RNF157: variants seen among roughly 807,000 people sequenced by gnomAD.
The protein encoded by RNF157 is ring finger protein 157, also known as E3 ubiquitin ligase RNF157.
A neutral mutation model predicts 88.3 loss-of-function variants in RNF157; 55 were observed. The ratio of observed to expected loss-of-function variants is 0.62; its 90% CI spans 0.50 to 0.78. The LOEUF (loss-of-function observed/expected upper bound fraction) is 0.78. Ranked by LOEUF, RNF157 falls within the 30% of genes least tolerant of loss-of-function variation. The probability of loss-of-function intolerance (pLI) is 0.00; values close to 1 mark genes in which losing one functional copy is unlikely to be tolerated. For synonymous variants in RNF157, 334 were observed against 341.2 expected (o/e 0.98, Z 0.23); for missense variants, 788 against 860.8 (o/e 0.92, Z 1.06).
rs138774231 is a variant in RNF157, at chr17:76,229,998, T to C, written c.88+10155A>G. On this transcript the variant is annotated intron_variant, in intron 1 of 18. Transcript: ENST00000269391. ...TGGAGTTGTGTGCATTTCTATAAGG[T>C]ACACCCCAACTCATCATTCCCCACA... 3.4e-3 allele frequency among the ~76,000 whole-genome samples: 516 copies of C among 152,280 alleles called. 5 individuals carry two copies. The highest frequency in any genetic ancestry group is 0.012 in the African/African-American group (493 of 41,536).
chr17:76,146,941 T>A lies in RNF157; in HGVS notation c.1922-1588A>T. On this transcript the variant is annotated intron_variant, in intron 18 of 18. Coordinates refer to ENST00000269391, the MANE Select transcript of RNF157 (RefSeq NM_052916.3). This position sits in a 1 kb window ranked among gnomAD's most constrained non-coding sequence, Gnocchi z 4.2. ...GGCATGTAGAGTCAACAGGTATAAATGGCTTATTTCCATCAATGCCTTGGT... is the reference window on the plus strand; with the variant it reads ...GGCATGTAGAGTCAACAGGTATAAAAGGCTTATTTCCATCAATGCCTTGGT... 1 of 985,402 alleles carries A rather than the reference T, an allele frequency of 1.0e-6. No individual in the cohort carries two copies. Among genetic ancestry groups the A allele is most frequent in the Non-Finnish European group, 1.2e-6 (1 of 829,926 alleles). 61.0% of individuals were successfully genotyped at this position (985,402 alleles called of 1,614,324 possible).
rs2068763099 is a variant in RNF157, at chr17:76,156,312, C to T, written c.1423G>A (p.Val475Met). 3.1e-6 allele frequency: 5 copies of T among 1,614,080 alleles called. No individual in the cohort carries two copies. The highest frequency in any genetic ancestry group is 4.2e-6 in the Non-Finnish European group (5 of 1,179,990). ...GTGAGATTCTCACTTTCTGGAGTCA[C>T]ACCACATTCCTGGGGGTTGTGGGGG... ...SVQHLGEECG[V>M]TPESENLTLS... Residue 475 changes from valine to methionine, a missense_variant, in exon 14 of 19, where the codon GTG becomes ATG. Transcript: ENST00000269391.
rs116745555 is a variant in RNF157 at position 76,188,026 on chromosome 17, T to C, written c.208-14236A>G. On this transcript the variant is annotated intron_variant, in intron 2 of 18. Transcript: ENST00000269391. ...TGCATTGCTAAGCTTCTAAGAGTCT[T>C]GAGAGCTCTGATTATTCTTCAGTCA... Among the ~76,000 whole-genome samples the C allele has an allele frequency of 5.9e-3, 899 of 152,344 alleles. 6 individuals are homozygous for C. Among genetic ancestry groups the C allele is most frequent in the African/African-American group, 0.02 (841 of 41,586 alleles).
At chr17:76,226,486 G>A in intron 1 of RNF157, 2 of 1,611,048 alleles carry the variant, frequency 1.2e-6, no homozygotes, top group Admixed American at 1.7e-5. Flanking sequence ...CATCTGGCAT[G>A]GTTTCCAGGT....
intron 8 of RNF157, 36 bp downstream of exon 8, chr17:76,164,712 C>A: frequency 7.3e-7 from 1 of 1,367,134 alleles, no homozygotes; most frequent in Non-Finnish European, 1.0e-6. Context: ...AAGGAAGGAC[C>A]CTAATACTAA....
chr17:76,227,333 C>G (rs562783779), intron 1 of RNF157, among the ~76,000 whole-genome samples: 1 of 151,364 alleles, frequency 6.6e-6, no homozygotes, highest in South Asian at 2.1e-4. Context: ...GTTGGCCAGG[C>G]TGGTCTTGAA....
Position 76,193,826 on chromosome 17 carries a change from C to T in RNF157, c.207+18538G>A, listed in dbSNP as rs2069427026. Among the ~76,000 whole-genome samples, 4 of 152,288 alleles carry T rather than the reference C, an allele frequency of 2.6e-5. No individual in the cohort carries two copies. The South Asian group carries it at 8.3e-4, about 32-fold the overall frequency. On this transcript the variant is annotated intron_variant, in intron 2 of 18. Transcript: ENST00000269391. ...GCATCCTGCAGTGAGGCTGCCGCACCCATAGTTTCAGATCTGAGATTAGCG... is the reference window on the plus strand; with the variant it reads ...GCATCCTGCAGTGAGGCTGCCGCACTCATAGTTTCAGATCTGAGATTAGCG...
intron 1 of RNF157, among the ~76,000 whole-genome samples, chr17:76,216,432 T>C (rs539313722): frequency 1.3e-5 from 2 of 151,708 alleles, no homozygotes; most frequent in South Asian, 2.1e-4. Context: ...GTAGAGCTAA[T>C]TGTAGTTTTG....
chr17:76,228,953 A>G (rs1251412257), intron 1 of RNF157, among the ~76,000 whole-genome samples: 1 of 151,704 alleles, frequency 6.6e-6, no homozygotes, highest in African/African-American at 2.4e-5. Flanking sequence ...AAAAAAAAAA[A>G]TTCACTCACC....
chr17:76,159,364 C>G lies in RNF157; in HGVS notation c.1275G>C (p.Gln425His). 1.2e-6 allele frequency: 2 copies of G among 1,613,432 alleles called. No individual in the cohort carries two copies. The highest frequency in any genetic ancestry group is 1.7e-6 in the Non-Finnish European group (2 of 1,179,790). The change falls in exon 12 of 19, where the codon CAG becomes CAC. Residue 425 changes from glutamine (Q) to histidine (H), a missense_variant. By Grantham distance (24) the Gln-to-His change is conservative. Coordinates refer to ENST00000269391, the MANE Select transcript of RNF157 (RefSeq NM_052916.3). Reference sequence around the variant, plus strand: ...AGAGACTCTTTTTGAGTTTGAGTCCCTGACTGCTGCTGTCAGACAGGCGGT... The same window carrying G: ...AGAGACTCTTTTTGAGTTTGAGTCCGTGACTGCTGCTGTCAGACAGGCGGT... Reference protein sequence around the residue: ...PLDRLSDSSSQGLKLKKSLSK... With the variant: ...PLDRLSDSSSHGLKLKKSLSK...
chr17:76,228,846 C>T (rs1271430782), intron 1 of RNF157, among the ~76,000 whole-genome samples: 7 of 151,988 alleles, frequency 4.6e-5, no homozygotes, highest in Non-Finnish European at 8.8e-5. Context: ...ATCACCTGAA[C>T]CTGGGAGGCA....
chr17:76,212,221 G>T, intron 2 of RNF157, 143 bp downstream of exon 2: 1 of 636,170 alleles, frequency 1.6e-6, no homozygotes, highest in East Asian at 2.7e-5. Context: ...AACCAAGGAG[G>T]CTGCAGTTTG....
intron 2 of RNF157, among the ~76,000 whole-genome samples, chr17:76,193,636 A>G (rs9914821): frequency 0.19 from 29,539 of 151,936 alleles, 2,928 homozygotes; most frequent in South Asian, 0.27. Flanking sequence ...AATGGAAGAC[A>G]CTGTCTAAGG....
chr17:76,220,249 C>T (rs1221630422), intron 1 of RNF157, among the ~76,000 whole-genome samples: 1 of 151,924 alleles, frequency 6.6e-6, no homozygotes, highest in Non-Finnish European at 1.5e-5. Context: ...GCTCTCTAAA[C>T]CTACTAGGGT....
At position 76,164,815 on chromosome 17, in the gene RNF157, G is replaced by T; in HGVS notation, c.673-20C>A. On this transcript the variant is annotated intron_variant, in intron 7 of 18. Transcript: ENST00000269391. The stretch of plus-strand genomic sequence containing the variant: ...TGTGTGCTGGAATGAAAATATGAAA[G>T]TTATGACAAGGAAGGGAGGGTAATA... 6.3e-7 allele frequency: 1 copy of T among 1,598,558 alleles called. No individual in the cohort carries two copies. Among genetic ancestry groups the T allele is most frequent in the East Asian group, 2.2e-5 (1 of 44,778 alleles).
intron 2 of RNF157, among the ~76,000 whole-genome samples, chr17:76,199,190 C>T (rs994560262): frequency 6.6e-6 from 1 of 152,230 alleles, no homozygotes; most frequent in African/African-American, 2.4e-5. Context: ...AGAAAACTAT[C>T]TTCTCAACTA....
At chr17:76,149,837 C>T (rs930846358) in intron 18 of RNF157, among the ~76,000 whole-genome samples, 7 of 152,192 alleles carry the variant, frequency 4.6e-5, no homozygotes, top group African/African-American at 1.7e-4. Flanking sequence ...AGTTCAAGAC[C>T]ACCCTGACCA....
At chr17:76,203,888 C>T (rs1035281799) in intron 2 of RNF157, among the ~76,000 whole-genome samples, 2 of 151,564 alleles carry the variant, frequency 1.3e-5, no homozygotes, top group Non-Finnish European at 2.9e-5. Flanking sequence ...CTGCCTCAGC[C>T]TCCTGAGTAG....
intron 1 of RNF157, among the ~76,000 whole-genome samples, chr17:76,215,701 T>C (rs773122679): frequency 6.6e-6 from 1 of 152,132 alleles, no homozygotes; most frequent in Non-Finnish European, 1.5e-5. Flanking sequence ...AATAAAACAA[T>C]GTGGATAAAA....
Sources: allele counts gnomAD v4.1 joint callset (sites outside exome capture counted in the v4.1 genomes callset), GRCh38; gene constraint gnomAD v4.1.1; non-coding constraint Gnocchi (gnomAD v3.1); transcripts MANE v1.5; gene names NCBI Gene and HGNC (gene_info 2026-07-23, HGNC 2026-07-21).